Variants in NUP93 observed in about 807,000 individuals in gnomAD.
NUP93 encodes the protein nucleoporin 93.
In NUP93, 55 loss-of-function variants were observed where a neutral mutation model predicts 107.8. The observed-to-expected ratio is 0.51, with a 90% CI of 0.41 to 0.64. The LOEUF (loss-of-function observed/expected upper bound fraction) is 0.64. NUP93 is among the 30% of genes least tolerant of loss of function. The pLI is 0.00. For missense variants in NUP93, 937 were observed against 1,044.7 expected, an observed-to-expected ratio of 0.90 and a Z score of 1.42; for synonymous variants, 390 against 397.5, an observed-to-expected ratio of 0.98 and a Z score of 0.22.
At chr16:56,796,501 T>C (rs1198489567) in intron 3 of NUP93, among the ~76,000 whole-genome samples, 1 of 152,240 alleles carries the variant, frequency 6.6e-6, no homozygotes, top group Non-Finnish European at 1.5e-5. Flanking sequence ...ATCCCTGTTA[T>C]TAAATGATGC....
At chr16:56,767,977 A>C (rs1962244453) in intron 3 of NUP93, among the ~76,000 whole-genome samples, 1 of 152,212 alleles carries the variant, frequency 6.6e-6, no homozygotes, top group African/African-American at 2.4e-5. Context: ...TACTTTTATA[A>C]AATATAACAA....
At chr16:56,746,193 C>T (rs1413591675) in intron 1 of NUP93, among the ~76,000 whole-genome samples, 3 of 152,022 alleles carry the variant, frequency 2.0e-5, no homozygotes, top group African/African-American at 7.2e-5. Context: ...GAAGGGAATG[C>T]TTTGTTTTTC....
chr16:56,778,284 T>A (rs533553020), intron 3 of NUP93, among the ~76,000 whole-genome samples: 1 of 152,224 alleles, frequency 6.6e-6, no homozygotes, highest in East Asian at 1.9e-4. Context: ...CTGACCAAAG[T>A]CAGGGAGGTA....
At chr16:56,828,073 G>C (rs1032528480) in intron 8 of NUP93, among the ~76,000 whole-genome samples, 1 of 151,500 alleles carries the variant, frequency 6.6e-6, no homozygotes, top group Non-Finnish European at 1.5e-5. Flanking sequence ...AGTGAGCCAA[G>C]ATCATGCCAC....
intron 10 of NUP93, 47 bp downstream of exon 10, chr16:56,830,732 A>G: frequency 6.9e-7 from 1 of 1,440,992 alleles, no homozygotes; most frequent in Non-Finnish European, 9.3e-7. Flanking sequence ...TGCAGAATCA[A>G]AGGGGCATCC....
intron 3 of NUP93, among the ~76,000 whole-genome samples, chr16:56,767,350 A>G (rs1962233553): frequency 6.6e-6 from 1 of 152,230 alleles, no homozygotes; most frequent in African/African-American, 2.4e-5. Context: ...ATTATTCAGA[A>G]AGAACCCTTG....
chr16:56,808,031 A>G (rs1180570283), intron 5 of NUP93, among the ~76,000 whole-genome samples: 1 of 144,858 alleles, frequency 6.9e-6, no homozygotes, highest in African/African-American at 2.5e-5. Flanking sequence ...CAAAAAATAT[A>G]TATAAATATA....
At chr16:56,827,044 C>CAAAAAAAAAAAAAAAAAAAAAAAA (rs1188027635) in intron 8 of NUP93, among the ~76,000 whole-genome samples, 13 of 53,608 alleles carry the variant, frequency 2.4e-4, no homozygotes, top group African/African-American at 4.9e-4. Context: ...GACTCCGTCT[C>CAAAAAAAAAAAAAAAAAAAAAAAA]AAAAAAAAAA....
chr16:56,803,941 A>G (rs1963076924), intron 4 of NUP93, among the ~76,000 whole-genome samples: 2 of 152,006 alleles, frequency 1.3e-5, no homozygotes, highest in South Asian at 2.1e-4. Flanking sequence ...TAGTAGTAAT[A>G]GGGTTTTGCC....
rs1426325310 is a variant in NUP93, at chr16:56,848,234, G to A, written c.*3625G>A. The A allele has an allele frequency of 6.6e-6, 1 of 152,190 alleles. No individual in the cohort carries two copies. Among genetic ancestry groups the A allele is most frequent in the Non-Finnish European group, 1.5e-5 (1 of 68,036 alleles). 9.4% of individuals were successfully genotyped at this position (152,190 alleles called of 1,614,324 possible). On this transcript the variant is annotated 3_prime_UTR_variant, in exon 22 of 22. Coordinates refer to ENST00000308159, the MANE Select transcript of NUP93 (RefSeq NM_014669.5). ...GAGTCAGAAAATGAACCCCTGGGCT[G>A]GCGGGTTGACCCAGGCCTGACAAAG...
intron 21 of NUP93, chr16:56,842,699 C>A: frequency 2.4e-6 from 1 of 424,230 alleles, no homozygotes; most frequent in Non-Finnish European, 4.6e-6. Context: ...ACTACAGGTA[C>A]GCACCACCAC....
At chr16:56,767,455 G>A (rs1054844983) in intron 3 of NUP93, among the ~76,000 whole-genome samples, 2 of 152,210 alleles carry the variant, frequency 1.3e-5, no homozygotes, top group Non-Finnish European at 2.9e-5. Flanking sequence ...GTAAGTGGGA[G>A]TATGGATTTA....
chr16:56,822,115 AAGG>A (rs1963557070), intron 7 of NUP93, among the ~76,000 whole-genome samples: 1 of 150,848 alleles, frequency 6.6e-6, no homozygotes, highest in Admixed American at 6.6e-5. Context: ...AAAAAAAAAA[AAGG>A]GGGATGGATG....
At chr16:56,768,794 G>T (rs1962265462) in intron 3 of NUP93, among the ~76,000 whole-genome samples, 1 of 151,424 alleles carries the variant, frequency 6.6e-6, no homozygotes, top group Non-Finnish European at 1.5e-5. Context: ...GTGAACCCAG[G>T]AGGTAGAGCT....
At chr16:56,823,209 G>T (rs1246654403) in intron 7 of NUP93, among the ~76,000 whole-genome samples, 1 of 152,194 alleles carries the variant, frequency 6.6e-6, no homozygotes, top group African/African-American at 2.4e-5. Context: ...ACCAAGTAAC[G>T]TAAGAGCGGT....
chr16:56,823,685 A>T, intron 7 of NUP93, 22 bp from the exon 8 acceptor site: 1 of 1,612,828 alleles, frequency 6.2e-7, no homozygotes, highest in South Asian at 1.1e-5. Flanking sequence ...GCATTGTCAC[A>T]TGCAGTTTCA....
chr16:56,744,937 T>C (rs1339779152), intron 1 of NUP93, among the ~76,000 whole-genome samples: 1 of 152,210 alleles, frequency 6.6e-6, no homozygotes, highest in Non-Finnish European at 1.5e-5. Flanking sequence ...GGACAGACTC[T>C]CACCAACGGA....
chr16:56,829,169 G>T, intron 9 of NUP93, 60 bp downstream of exon 9: 3 of 1,560,750 alleles, frequency 1.9e-6, no homozygotes, highest in Non-Finnish European at 1.7e-6. Context: ...CCTCAGATGG[G>T]CATTTTCAGT....
At position 56,823,528 on chromosome 16, in the gene NUP93, A is replaced by C. The variant is rs144585895; in HGVS notation, c.655-179A>C. Among the ~76,000 whole-genome samples the C allele has an allele frequency of 3.6e-3, 545 of 152,236 alleles. 2 individuals carry two copies. The highest frequency in any genetic ancestry group is 0.011 in the African/African-American group (438 of 41,542). On this transcript the variant is annotated intron_variant, in intron 7 of 21. Coordinates refer to ENST00000308159, the MANE Select transcript of NUP93 (RefSeq NM_014669.5). ...GTGCTCATCGGTGGATGGAACTCTG[A>C]AGTCTGGCCAGCAGAGACGCATCTT...
Sources: allele counts gnomAD v4.1 joint callset (sites outside exome capture counted in the v4.1 genomes callset), GRCh38; gene constraint gnomAD v4.1.1; transcripts MANE v1.5; gene names NCBI Gene and HGNC (gene_info 2026-07-23, HGNC 2026-07-21).